Variants in ERICH3 observed in about 807,000 individuals in gnomAD.
ERICH3 encodes the protein glutamate-rich protein 3.
A neutral mutation model predicts 131.1 loss-of-function variants in ERICH3; 126 were observed. That is an observed-to-expected ratio of 0.96 (90% CI 0.83 to 1.11). The LOEUF is 1.11. Among genes scored for constraint, ERICH3 ranks in the 50% most tolerant of loss-of-function variants. The pLI is 0.00. For missense variants in ERICH3, 2,050 were observed against 1,810.7 expected, an observed-to-expected ratio of 1.13 and a Z score of -2.40; for synonymous variants, 695 against 644.6, an observed-to-expected ratio of 1.08 and a Z score of -1.18.
intron 7 of ERICH3, among the ~76,000 whole-genome samples, chr1:74,628,332 G>A (rs1340849562): frequency 2.0e-5 from 3 of 152,146 alleles, no homozygotes; most frequent in Admixed American, 1.3e-4. Context: ...TACAAGAAAA[G>A]GTTGAATTGA....
chr1:74,651,933 A>T (rs1646538680), intron 1 of ERICH3, among the ~76,000 whole-genome samples: 1 of 152,154 alleles, frequency 6.6e-6, no homozygotes, highest in African/African-American at 2.4e-5. Flanking sequence ...GGCTTCTACT[A>T]ACAAATGTGT....
chr1:74,579,285 G>T (rs923441044), intron 12 of ERICH3: 2 of 595,130 alleles, frequency 3.4e-6, no homozygotes, highest in Admixed American at 6.4e-5. Flanking sequence ...TAGTCCACAG[G>T]GTATAAAAAT....
intron 7 of ERICH3, among the ~76,000 whole-genome samples, chr1:74,630,095 T>G (rs78899502): frequency 0.13 from 19,758 of 152,164 alleles, 1,558 homozygotes; most frequent in South Asian, 0.29. Context: ...TAAAAGAGCA[T>G]GAACAGGTAG....
intron 1 of ERICH3, among the ~76,000 whole-genome samples, chr1:74,654,370 G>GTATA (rs1646564465): frequency 6.8e-6 from 1 of 147,552 alleles, no homozygotes; most frequent in Non-Finnish European, 1.5e-5. Flanking sequence ...ATATATATAT[G>GTATA]TATGTATATA....
intron 10 of ERICH3, among the ~76,000 whole-genome samples, chr1:74,606,359 C>T (rs1286515888): frequency 6.6e-6 from 1 of 151,856 alleles, no homozygotes; most frequent in African/African-American, 2.4e-5. Flanking sequence ...GACATGTACT[C>T]ATTCTCTCTC....
intron 12 of ERICH3, among the ~76,000 whole-genome samples, chr1:74,583,505 CTCTG>C (rs1647216331): frequency 6.6e-6 from 1 of 152,038 alleles, no homozygotes; most frequent in Non-Finnish European, 1.5e-5. Flanking sequence ...TTCTCTCTCT[CTCTG>C]TCTGTCTTAT....
Position 74,571,241 on chromosome 1 carries a change from C to T in ERICH3, c.4469G>A (p.Ser1490Asn), listed in dbSNP as rs768284635. 14 of 1,613,964 alleles carry T rather than the reference C, an allele frequency of 8.7e-6. No individual in the cohort carries two copies. Among genetic ancestry groups the T allele is most frequent in the African/African-American group, 5.3e-5 (4 of 74,886 alleles). ...TGGAAGTGTTGCCATCGCCTGTAGA[C>T]TCTCCGGACTCAATTCCCTCTCTCC... ...REGERELSPESLQAMATLPVK... is the reference protein window; with the variant it reads ...REGERELSPENLQAMATLPVK... The change falls in exon 14 of 15, where the codon AGT (serine) becomes AAT (asparagine). Residue 1490 changes from serine to asparagine, a missense_variant. By Grantham distance (46) the Ser-to-Asn change is conservative. Coordinates refer to ENST00000326665, the MANE Select transcript of ERICH3 (RefSeq NM_001002912.5).
intron 9 of ERICH3, among the ~76,000 whole-genome samples, chr1:74,607,435 G>A (rs1223881824): frequency 9.2e-5 from 14 of 151,936 alleles, no homozygotes; most frequent in Admixed American, 8.5e-4. Context: ...AGTAACAAAA[G>A]ACTTACAAGA....
chr1:74,665,174 G>GC (rs1646678400), intron 1 of ERICH3, among the ~76,000 whole-genome samples: 1 of 151,350 alleles, frequency 6.6e-6, no homozygotes, highest in African/African-American at 2.4e-5. Context: ...CAAGAAGATG[G>GC]CCATCTGCAG....
At chr1:74,582,790 T>C (rs1647201703) in intron 12 of ERICH3, among the ~76,000 whole-genome samples, 1 of 152,222 alleles carries the variant, frequency 6.6e-6, no homozygotes, top group Non-Finnish European at 1.5e-5. Context: ...TTTATGTGGT[T>C]TAAATGAATA....
chr1:74,612,622 CTTG>C lies in ERICH3; in HGVS notation c.1185_1187del (p.Tyr395_Lys396delinsTer). 6.5e-7 allele frequency: 1 copy of C among 1,547,970 alleles called. No individual in the cohort carries two copies. ...CTACCAAAGGACATTTGTTTCCATA[CTTG>C]TAGCAAGGAGATGATCTCTCAACAC... On this transcript the variant is annotated stop_gained and inframe_deletion and splice_region_variant, in exon 9 of 15. Transcript: ENST00000326665. LOFTEE classifies it high-confidence loss of function.
intron 2 of ERICH3, among the ~76,000 whole-genome samples, 177 bp from the exon 3 acceptor site, chr1:74,646,969 A>G (rs1349757973): frequency 1.5e-5 from 2 of 131,432 alleles, no homozygotes; most frequent in East Asian, 2.1e-4. Flanking sequence ...GGAGAGAGAG[A>G]AAAAAAAAAA....
Position 74,572,625 on chromosome 1 carries a change from C to T in ERICH3, c.3085G>A (p.Val1029Met), listed in dbSNP as rs1439127397. 1.2e-6 allele frequency: 2 copies of T among 1,614,074 alleles called. No homozygotes were observed. The highest frequency in any genetic ancestry group is 8.5e-7 in the Non-Finnish European group (1 of 1,180,002). ...AKEAFLCKED[V>M]EGEEMVTEAE... The stretch of plus-strand genomic sequence containing the variant: ...TCAGTCACCATCTCTTCCCCTTCCA[C>T]ATCTTCCTTGCAAAGGAAGGCTTCC... The change falls in exon 14 of 15, where the codon GTG becomes ATG. Residue 1029 changes from valine (V) to methionine (M), a missense_variant. Transcript: ENST00000326665.
At chr1:74,671,075 C>A (rs140406559) in intron 1 of ERICH3, among the ~76,000 whole-genome samples, 11 of 152,270 alleles carry the variant, frequency 7.2e-5, no homozygotes, top group African/African-American at 2.6e-4. Flanking sequence ...GCTCTCAAAC[C>A]CTGTTTTCTG....
At chr1:74,590,366 A>C (rs1355833774) in intron 11 of ERICH3, among the ~76,000 whole-genome samples, 2 of 152,146 alleles carry the variant, frequency 1.3e-5, no homozygotes, top group Non-Finnish European at 2.9e-5. Flanking sequence ...TTATTATTAC[A>C]TTGTAATATA....
chr1:74,571,649 G>A lies in ERICH3; in HGVS notation c.4061C>T (p.Ala1354Val), dbSNP rs983615465. The A allele has an allele frequency of 1.2e-6, 2 of 1,614,058 alleles. No individual in the cohort carries two copies. Among genetic ancestry groups the A allele is most frequent in the Non-Finnish European group, 8.5e-7 (1 of 1,180,000 alleles). ...ACCTGCCAACACCTCCCTCTCCTCT[G>A]CGGCTGTTTCTGCCGTTTCACCACC... ...HGGGETAETAAEEREVLAGSE... is the reference protein window; with the variant it reads ...HGGGETAETAVEEREVLAGSE... The change falls in exon 14 of 15, where the codon GCA becomes GTA. Residue 1354 changes from alanine to valine, a missense_variant. Physicochemically the swap from Ala to Val is moderately conservative, Grantham distance 64. Coordinates refer to ENST00000326665, the MANE Select transcript of ERICH3 (RefSeq NM_001002912.5).
intron 13 of ERICH3, among the ~76,000 whole-genome samples, chr1:74,573,802 T>C (rs968844312): frequency 6.6e-6 from 1 of 152,048 alleles, no homozygotes; most frequent in African/African-American, 2.4e-5. Context: ...AAATCTCATG[T>C]CCCCATGTCT....
chr1:74,670,594 T>C (rs1646732349), intron 1 of ERICH3, among the ~76,000 whole-genome samples: 1 of 152,204 alleles, frequency 6.6e-6, no homozygotes, highest in South Asian at 2.1e-4. Flanking sequence ...CTTAATCCTG[T>C]TATCTTCGTA....
intron 9 of ERICH3, among the ~76,000 whole-genome samples, chr1:74,609,055 T>A (rs184289968): frequency 6.6e-6 from 1 of 152,224 alleles, no homozygotes; most frequent in East Asian, 1.9e-4. Context: ...ATTTGACTTC[T>A]GAATATAATT....
Sources: allele counts gnomAD v4.1 joint callset (sites outside exome capture counted in the v4.1 genomes callset), GRCh38; gene constraint gnomAD v4.1.1; transcripts MANE v1.5; gene names NCBI Gene and HGNC (gene_info 2026-07-23, HGNC 2026-07-21).